AJAP1: variants seen among roughly 807,000 people sequenced by gnomAD.
AJAP1 encodes adherens junctions associated protein 1.
A neutral mutation model predicts 35.0 loss-of-function variants in AJAP1; 5 were observed. The ratio of observed to expected loss-of-function variants is 0.14; its 90% CI spans 0.07 to 0.30. AJAP1 has a LOEUF of 0.30. AJAP1 is among the 10% of genes least tolerant of loss of function. AJAP1 has a pLI of 1.00. For synonymous variants in AJAP1, 284 were observed against 249.3 expected (o/e 1.14, Z -1.31); for missense variants, 586 against 571.0 (o/e 1.03, Z -0.27).
At chr1:4,682,137 A>C (rs1045549454) in intron 1 of AJAP1, among the ~76,000 whole-genome samples, 10 of 152,318 alleles carry the variant, frequency 6.6e-5, no homozygotes, top group Admixed American at 1.3e-4. Flanking sequence ...AATTGGCCAC[A>C]CATCAAATTT....
chr1:4,690,575 G>A (rs578146131), intron 1 of AJAP1, among the ~76,000 whole-genome samples: 15 of 152,274 alleles, frequency 9.9e-5, no homozygotes, highest in African/African-American at 3.4e-4. Context: ...GGAGAAACAC[G>A]GTGTCCCCCA....
intron 2 of AJAP1, among the ~76,000 whole-genome samples, chr1:4,721,483 G>A (rs540127855): frequency 3.3e-5 from 5 of 152,304 alleles, no homozygotes; most frequent in East Asian, 1.9e-4. Context: ...CGGAAGAGTC[G>A]GATGTCCCCA....
chr1:4,752,747 A>T (rs1036418913), intron 2 of AJAP1, among the ~76,000 whole-genome samples: 2 of 152,128 alleles, frequency 1.3e-5, no homozygotes, highest in Non-Finnish European at 2.9e-5. Flanking sequence ...TGCTCCAGTA[A>T]CCCTATCATT....
intron 2 of AJAP1, among the ~76,000 whole-genome samples, chr1:4,762,363 C>T (rs1003667395): frequency 2.6e-5 from 4 of 152,142 alleles, no homozygotes; most frequent in Non-Finnish European, 4.4e-5. Flanking sequence ...GATAATACAA[C>T]GGTACAACTT....
Position 4,709,881 on chromosome 1 carries a change from C to A in AJAP1, c.30-2019C>A, listed in dbSNP as rs150455825. Among the ~76,000 whole-genome samples, 28 of 152,300 alleles carry A rather than the reference C, an allele frequency of 1.8e-4. No individual in the cohort carries two copies. The East Asian group carries it at 5.4e-3, about 29-fold the overall frequency. On this transcript the variant is annotated intron_variant, in intron 1 of 5. Transcript: ENST00000378191. ...TTAGTCCTTTTTGGTAATTAGCACTCATTAGCAAGAGTTTCTCTCTCACCA... is the reference window on the plus strand; with the variant it reads ...TTAGTCCTTTTTGGTAATTAGCACTAATTAGCAAGAGTTTCTCTCTCACCA...
In AJAP1 at chr1:4,655,317, G is replaced by T; in HGVS notation, c.-109G>T. ...CGGCCGGCGGGCGGCGGGAGGCGGC[G>T]GACCGAGAGCCGGAGACCGGCGCCG... On this transcript the variant is annotated 5_prime_UTR_variant, in exon 1 of 6. Transcript: ENST00000378191. This position sits in a 1 kb window ranked among gnomAD's most constrained non-coding sequence, Gnocchi z 6.9. The T allele has an allele frequency of 2.1e-6, 2 of 961,800 alleles. No homozygotes were observed. Among genetic ancestry groups the T allele is most frequent in the Non-Finnish European group, 2.7e-6 (2 of 754,208 alleles). The allele number at this position is 961,800 out of a possible 1,614,324, so 59.6% of individuals were successfully genotyped here.
intron 1 of AJAP1, among the ~76,000 whole-genome samples, chr1:4,688,431 T>C (rs114461037): frequency 0.011 from 1,621 of 152,174 alleles, 26 homozygotes; most frequent in African/African-American, 0.037. Flanking sequence ...GCTTCTCACT[T>C]AAAAACAAAC....
At chr1:4,755,821 G>T (rs1296119454) in intron 2 of AJAP1, among the ~76,000 whole-genome samples, 1 of 149,126 alleles carries the variant, frequency 6.7e-6, no homozygotes, top group Non-Finnish European at 1.5e-5. Flanking sequence ...GCGGGGTGGT[G>T]GGGGGATTAA....
rs1033958120 is a variant in AJAP1, at chr1:4,785,489, G to A, written c.*3004G>A. 3.3e-5 allele frequency: 5 copies of A among 152,204 alleles called. No homozygotes were observed. The highest frequency in any genetic ancestry group is 9.7e-5 in the African/African-American group (4 of 41,440). 9.4% of individuals were successfully genotyped at this position (152,204 alleles called of 1,614,324 possible). A position where few individuals can be genotyped will look rare whatever the true frequency, so the allele number is the denominator to read the frequency against. ...TCGTCTAGGTAAGAGGAGATAATGAGTGAAAGTGACTGGGCCTCGGAAATG... is the reference window on the plus strand; with the variant it reads ...TCGTCTAGGTAAGAGGAGATAATGAATGAAAGTGACTGGGCCTCGGAAATG... On this transcript the variant is annotated 3_prime_UTR_variant, in exon 6 of 6. Coordinates refer to ENST00000378191, the MANE Select transcript of AJAP1 (RefSeq NM_018836.4).
chr1:4,717,753 C>A (rs888252812), intron 2 of AJAP1, among the ~76,000 whole-genome samples: 6 of 152,126 alleles, frequency 3.9e-5, no homozygotes, highest in African/African-American at 1.4e-4. Context: ...CAGGAGCAAG[C>A]CTCATGATGG....
At chr1:4,715,153 G>A (rs1396049668) in intron 2 of AJAP1, among the ~76,000 whole-genome samples, 1 of 152,122 alleles carries the variant, frequency 6.6e-6, no homozygotes, top group African/African-American at 2.4e-5. Context: ...GCAGACCTGC[G>A]CCCCCAACAT....
chr1:4,787,197 T>C lies in AJAP1; in HGVS notation c.*4712T>C, dbSNP rs530518522. 5 of 156,990 alleles carry C rather than the reference T, an allele frequency of 3.2e-5. No homozygotes were observed. Among genetic ancestry groups the C allele is most frequent in the African/African-American group, 4.8e-5 (2 of 41,516 alleles). The allele number at this position is 156,990 out of a possible 1,614,324, so 9.7% of individuals were successfully genotyped here. A position where few individuals can be genotyped will look rare whatever the true frequency, so the allele number is the denominator to read the frequency against. On this transcript the variant is annotated 3_prime_UTR_variant, in exon 6 of 6. Coordinates refer to ENST00000378191, the MANE Select transcript of AJAP1 (RefSeq NM_018836.4). ...GTTGGAGGCAAGATGGGCACAGTTATGGCCTTGTGGGCTTTATATTCTACA... is the reference window on the plus strand; with the variant it reads ...GTTGGAGGCAAGATGGGCACAGTTACGGCCTTGTGGGCTTTATATTCTACA...
At chr1:4,715,510 C>T (rs1640368105) in intron 2 of AJAP1, among the ~76,000 whole-genome samples, 1 of 152,142 alleles carries the variant, frequency 6.6e-6, no homozygotes, top group Non-Finnish European at 1.5e-5. Flanking sequence ...ATGGAGAAAC[C>T]CTGTCTCTAC....
Position 4,724,680 on chromosome 1 carries a change from G to A in AJAP1, c.829+11981G>A, listed in dbSNP as rs112059090. On this transcript the variant is annotated intron_variant, in intron 2 of 5. Transcript: ENST00000378191. The stretch of plus-strand genomic sequence containing the variant: ...ACTCACACCCCCAGATCCTGCACCT[G>A]CTGTGCCCCTGGCTCCCAGCACCCT... Among the ~76,000 whole-genome samples the A allele has an allele frequency of 1.3e-3, 145 of 115,194 alleles. 1 individual carries two copies. The highest frequency in any genetic ancestry group is 6.8e-3 in the African/African-American group (126 of 18,452). The allele number at this position is 115,194 out of a possible 152,430, so 75.6% of individuals were successfully genotyped here. A position where few individuals can be genotyped will look rare whatever the true frequency, so the allele number is the denominator to read the frequency against.
intron 1 of AJAP1, among the ~76,000 whole-genome samples, chr1:4,683,472 T>C (rs1039225518): frequency 6.6e-6 from 1 of 152,170 alleles, no homozygotes; most frequent in African/African-American, 2.4e-5. Flanking sequence ...GACCCAACTC[T>C]CAGGACCCTT....
At position 4,693,109 on chromosome 1, in the gene AJAP1, G is replaced by A. The variant is rs938003489; in HGVS notation, c.30-18791G>A. Among the ~76,000 whole-genome samples the A allele has an allele frequency of 6.6e-6, 1 of 152,200 alleles. No homozygotes were observed. Among genetic ancestry groups the A allele is most frequent in the African/African-American group, 2.4e-5 (1 of 41,440 alleles). On this transcript the variant is annotated intron_variant, in intron 1 of 5. Transcript: ENST00000378191. This position sits in a 1 kb window ranked among gnomAD's most constrained non-coding sequence, Gnocchi z 4.4. The stretch of plus-strand genomic sequence containing the variant: ...CCCTTCCCTCACCATGGCCCAGGGA[G>A]GTTGACAGGGCTGGATTTTCTCCCA...
chr1:4,695,245 A>G (rs1639831299), intron 1 of AJAP1, among the ~76,000 whole-genome samples: 1 of 152,102 alleles, frequency 6.6e-6, no homozygotes. Context: ...CCATGAGGAA[A>G]GGGTGGGCTG....
In AJAP1 at chr1:4,710,710, G is replaced by A. The variant is rs1570140612; in HGVS notation, c.30-1190G>A. 5.3e-5 allele frequency among the ~76,000 whole-genome samples: 8 copies of A among 152,380 alleles called. 2 individuals are homozygous for A. The stretch of plus-strand genomic sequence containing the variant: ...GGGATTCATTTTAACTTTCAGACGT[G>A]AGGCTGGTGACGAGAACTGACTTTG... On this transcript the variant is annotated intron_variant, in intron 1 of 5. Transcript: ENST00000378191.
intron 2 of AJAP1, among the ~76,000 whole-genome samples, chr1:4,765,771 C>G (rs1336665374): frequency 2.0e-5 from 3 of 152,224 alleles, no homozygotes; most frequent in East Asian, 3.9e-4. Context: ...AATCAAAAAT[C>G]CTGTGTAATT....
Sources: gnomAD v4.1 joint callset for allele counts (sites outside exome capture counted in the v4.1 genomes callset) on GRCh38, gnomAD v4.1.1 for gene constraint, Gnocchi (gnomAD v3.1) non-coding constraint, MANE v1.5 for transcripts, NCBI Gene and HGNC (gene_info 2026-07-23, HGNC 2026-07-21) for gene names.